Variants in ACVR1 observed in about 807,000 individuals in gnomAD.
ACVR1 encodes activin receptor type-1.
A neutral mutation model predicts 57.1 loss-of-function variants in ACVR1; 38 were observed. The ratio of observed to expected loss-of-function variants is 0.67; its 90% CI spans 0.51 to 0.87. ACVR1 has a LOEUF of 0.87. Among genes scored for constraint, ACVR1 ranks in the 40% least tolerant of loss-of-function variants. The pLI is 0.00. For synonymous variants in ACVR1, 212 were observed against 228.1 expected, an observed-to-expected ratio of 0.93 and a Z score of 0.63; for missense variants, 463 against 638.2, an observed-to-expected ratio of 0.73 and a Z score of 2.96.
chr2:157,772,440 A>G (rs943755167), intron 6 of ACVR1, among the ~76,000 whole-genome samples: 6 of 152,244 alleles, frequency 3.9e-5, no homozygotes, highest in African/African-American at 1.4e-4. Context: ...CAAGCTAATG[A>G]AAGGCACTGC....
chr2:157,868,135 C>A (rs769963908), intron 1 of ACVR1, among the ~76,000 whole-genome samples: 3 of 152,148 alleles, frequency 2.0e-5, no homozygotes, highest in Admixed American at 6.5e-5. Context: ...TAAGGTCTCG[C>A]ATGCCACCCT....
At chr2:157,828,819 T>C (rs1688484644) in intron 1 of ACVR1, among the ~76,000 whole-genome samples, 2 of 152,134 alleles carry the variant, frequency 1.3e-5, no homozygotes, top group Admixed American at 1.3e-4. Context: ...CAGGCTAGAG[T>C]GCAGTGGCAC....
At chr2:157,813,828 G>A (rs1385394678) in intron 2 of ACVR1, among the ~76,000 whole-genome samples, 1 of 152,116 alleles carries the variant, frequency 6.6e-6, no homozygotes, top group Non-Finnish European at 1.5e-5. Context: ...AATTAATACA[G>A]CATCTAGAGA....
At chr2:157,864,109 G>A (rs576001692) in intron 1 of ACVR1, among the ~76,000 whole-genome samples, 104 of 152,014 alleles carry the variant, frequency 6.8e-4, no homozygotes, top group Non-Finnish European at 1.3e-3. Flanking sequence ...TGATCTGCCT[G>A]CCTCAGCCTC....
chr2:157,799,239 A>G (rs1451029159), intron 3 of ACVR1, among the ~76,000 whole-genome samples, 188 bp downstream of exon 3: 5 of 152,182 alleles, frequency 3.3e-5, no homozygotes, highest in African/African-American at 7.2e-5. Context: ...TTTTTTAAAA[A>G]AATAGGTGTA....
chr2:157,752,076 G>A lies in ACVR1; in HGVS notation c.1264+8804C>T, dbSNP rs1474073584. On this transcript the variant is annotated intron_variant, in intron 9 of 10. Coordinates refer to ENST00000434821, the MANE Select transcript of ACVR1 (RefSeq NM_001111067.4). ...TTTCATTCCCCTGCCATATCCACCA[G>A]AGCAGGTGCCGGTATCCATGGCTGA... is the stretch of plus-strand genomic sequence containing the variant. 3.9e-5 allele frequency among the ~76,000 whole-genome samples: 6 copies of A among 152,278 alleles called. No homozygotes were observed. The East Asian group carries it at 9.7e-4, about 25-fold the overall frequency.
intron 3 of ACVR1, among the ~76,000 whole-genome samples, chr2:157,784,388 A>T (rs1686635798): frequency 6.6e-6 from 1 of 152,264 alleles, no homozygotes; most frequent in South Asian, 2.1e-4. Flanking sequence ...AAAGTATTTT[A>T]CACTTGCCTG....
intron 1 of ACVR1, among the ~76,000 whole-genome samples, chr2:157,859,657 TCAC>T (rs1349711531): frequency 2.0e-5 from 3 of 152,082 alleles, no homozygotes; most frequent in Non-Finnish European, 2.9e-5. Context: ...ATCAGATCAA[TCAC>T]CACATCTCAT....
intron 1 of ACVR1, among the ~76,000 whole-genome samples, chr2:157,847,181 A>T (rs530142583): frequency 2.8e-4 from 42 of 152,350 alleles, no homozygotes; most frequent in African/African-American, 8.7e-4. Context: ...ATGCATATAA[A>T]ACTGAAACAC....
intron 1 of ACVR1, among the ~76,000 whole-genome samples, chr2:157,864,658 C>A (rs1689850903): frequency 6.6e-6 from 1 of 152,104 alleles, no homozygotes; most frequent in South Asian, 2.1e-4. Context: ...TCCAAAAATT[C>A]CTATTTTACC....
intron 2 of ACVR1, among the ~76,000 whole-genome samples, chr2:157,811,942 T>C (rs4294956): frequency 0.13 from 20,506 of 152,186 alleles, 4,637 homozygotes; most frequent in African/African-American, 0.47. Flanking sequence ...TAAGTACCTA[T>C]GAAGTATTCT....
chr2:157,851,492 T>A (rs1455187434), intron 1 of ACVR1, among the ~76,000 whole-genome samples: 1 of 152,058 alleles, frequency 6.6e-6, no homozygotes, highest in East Asian at 1.9e-4. Flanking sequence ...TGACGACCAG[T>A]GGAAGCTATG....
intron 1 of ACVR1, among the ~76,000 whole-genome samples, chr2:157,847,381 C>CA (rs1366126213): frequency 6.6e-6 from 1 of 151,666 alleles, no homozygotes; most frequent in Non-Finnish European, 1.5e-5. Flanking sequence ...TTGATAATAT[C>CA]AAAAAAAGCT....
intron 1 of ACVR1, among the ~76,000 whole-genome samples, chr2:157,842,592 T>A (rs1310811634): frequency 6.6e-6 from 1 of 152,168 alleles, no homozygotes; most frequent in East Asian, 1.9e-4. Flanking sequence ...TTCCTCCAAG[T>A]ATGAACACAC....
intron 1 of ACVR1, among the ~76,000 whole-genome samples, chr2:157,874,523 G>C (rs1690215698): frequency 6.6e-6 from 1 of 152,198 alleles, no homozygotes; most frequent in African/African-American, 2.4e-5. Context: ...CCAGAGACAA[G>C]TGCCAGGACA....
intron 6 of ACVR1, among the ~76,000 whole-genome samples, chr2:157,772,199 A>C (rs566898350): frequency 1.3e-5 from 2 of 152,320 alleles, no homozygotes; most frequent in African/African-American, 4.8e-5. Context: ...CAAATTCATC[A>C]TTATGCAGAA....
At chr2:157,854,112 C>A (rs1339853441) in intron 1 of ACVR1, among the ~76,000 whole-genome samples, 1 of 148,304 alleles carries the variant, frequency 6.7e-6, no homozygotes, top group African/African-American at 2.5e-5. Context: ...GTCACCAACA[C>A]ATAATCAACA....
chr2:157,863,352 T>C (rs1235027102), intron 1 of ACVR1, among the ~76,000 whole-genome samples: 3 of 119,040 alleles, frequency 2.5e-5, no homozygotes, highest in Non-Finnish European at 5.3e-5. Context: ...TTTTTTTTTT[T>C]TTTTTTTTTT....
At chr2:157,865,015 T>C (rs147431138) in intron 1 of ACVR1, among the ~76,000 whole-genome samples, 3,844 of 146,220 alleles carry the variant, frequency 0.026, 62 homozygotes, top group Non-Finnish European at 0.042. Flanking sequence ...ACACCAGACA[T>C]AGTGCTTTAA....
Sources: allele counts gnomAD v4.1 joint callset (sites outside exome capture counted in the v4.1 genomes callset), GRCh38; gene constraint gnomAD v4.1.1; transcripts MANE v1.5; gene names NCBI Gene and HGNC (gene_info 2026-07-23, HGNC 2026-07-21).